Variants in LRRC7 observed in about 807,000 individuals in gnomAD.
LRRC7 encodes leucine-rich repeat-containing protein 7.
Under a neutral mutation model 175.7 loss-of-function variants are expected in LRRC7, and 23 were observed. The observed-to-expected ratio is 0.13, with a 90% confidence interval of 0.09 to 0.19. LRRC7 has a LOEUF of 0.19. Among genes scored for constraint, LRRC7 ranks in the 10% least tolerant of loss-of-function variants. The pLI is 1.00. For missense variants in LRRC7, 1,354 were observed against 1,904.7 expected, an observed-to-expected ratio of 0.71 and a Z score of 5.38; for synonymous variants, 685 against 680.9, an observed-to-expected ratio of 1.01 and a Z score of -0.09.
intron 9 of LRRC7, among the ~76,000 whole-genome samples, chr1:69,981,742 G>C (rs74881990): frequency 3.9e-5 from 6 of 152,268 alleles, no homozygotes; most frequent in African/African-American, 1.4e-4. Flanking sequence ...AAAGATTGAA[G>C]AATCAGAATA....
chr1:69,958,563 C>T (rs1025606397), intron 8 of LRRC7, among the ~76,000 whole-genome samples: 3 of 151,802 alleles, frequency 2.0e-5, no homozygotes, highest in African/African-American at 7.3e-5. Flanking sequence ...CTGAAGGTGA[C>T]CTAGTAGAGA....
At position 69,994,619 on chromosome 1, in the gene LRRC7, C is replaced by G. The variant is rs1265055320; in HGVS notation, c.990C>G (p.Pro330=). The change falls in exon 11 of 27, where the codon CCC becomes CCG. Residue 330 remains proline, a synonymous_variant. Transcript: ENST00000651989. ...ATGACAATCAACTTACAATGCTACCCAATACAATTGGAAAGTAAGTGCCAA... is the reference window on the plus strand; with the variant it reads ...ATGACAATCAACTTACAATGCTACCGAATACAATTGGAAAGTAAGTGCCAA... ...KVDDNQLTML[P]NTIGNLSLLE... 3.1e-6 allele frequency: 5 copies of G among 1,610,322 alleles called. No individual in the cohort carries two copies. The highest frequency in any genetic ancestry group is 4.2e-6 in the Non-Finnish European group (5 of 1,177,630).
chr1:69,961,353 AC>A (rs1421271217), intron 8 of LRRC7, among the ~76,000 whole-genome samples: 1 of 152,198 alleles, frequency 6.6e-6, no homozygotes, highest in Non-Finnish European at 1.5e-5. Context: ...AAATGGAAAA[AC>A]ATTCCATGCT....
At chr1:69,640,214 A>T (rs1653993935) in intron 1 of LRRC7, among the ~76,000 whole-genome samples, 1 of 151,430 alleles carries the variant, frequency 6.6e-6, no homozygotes, top group African/African-American at 2.4e-5. Flanking sequence ...CTTAAGGGAG[A>T]TTTTTTTTCT....
At chr1:69,841,789 C>T (rs953013929) in intron 7 of LRRC7, among the ~76,000 whole-genome samples, 2 of 146,492 alleles carry the variant, frequency 1.4e-5, no homozygotes, top group African/African-American at 2.8e-5. Context: ...GAATGCTGAG[C>T]TATGGATTCA....
At chr1:69,778,934 A>G (rs1673145875) in intron 3 of LRRC7, among the ~76,000 whole-genome samples, 1 of 144,294 alleles carries the variant, frequency 6.9e-6, no homozygotes, top group Non-Finnish European at 1.5e-5. Flanking sequence ...ACACTCATAT[A>G]TATACACATA....
intron 4 of LRRC7, among the ~76,000 whole-genome samples, chr1:69,811,339 A>C (rs1334630712): frequency 6.6e-5 from 10 of 152,170 alleles, no homozygotes; most frequent in Admixed American, 5.9e-4. Flanking sequence ...AAATTAGTTC[A>C]ACCATTGTAG....
intron 1 of LRRC7, among the ~76,000 whole-genome samples, chr1:69,633,560 G>T (rs1446763904): frequency 2.0e-5 from 3 of 151,746 alleles, no homozygotes. Flanking sequence ...TCCCAAGTAG[G>T]TGGTATAACA....
intron 7 of LRRC7, among the ~76,000 whole-genome samples, chr1:69,917,554 G>A (rs1646758337): frequency 6.6e-6 from 1 of 151,994 alleles, no homozygotes; most frequent in Non-Finnish European, 1.5e-5. Flanking sequence ...GACAATGTCT[G>A]GAGACATTGT....
At chr1:69,741,593 G>T (rs753025719) in intron 2 of LRRC7, among the ~76,000 whole-genome samples, 1 of 151,970 alleles carries the variant, frequency 6.6e-6, no homozygotes, top group South Asian at 2.1e-4. Context: ...TAGAAAGAGA[G>T]CACAGAGACA....
chr1:69,880,730 T>C (rs1410493717), intron 7 of LRRC7, among the ~76,000 whole-genome samples: 4 of 152,100 alleles, frequency 2.6e-5, no homozygotes, highest in Admixed American at 1.3e-4. Flanking sequence ...CAAAGGACTT[T>C]CATCAGAGTG....
At chr1:69,664,150 C>A (rs192280776) in intron 1 of LRRC7, among the ~76,000 whole-genome samples, 32 of 152,268 alleles carry the variant, frequency 2.1e-4, no homozygotes, top group African/African-American at 7.0e-4. Flanking sequence ...TTTTTCATGG[C>A]TGACTAGTAT....
intron 7 of LRRC7, among the ~76,000 whole-genome samples, chr1:69,914,610 G>A (rs984674234): frequency 5.9e-5 from 9 of 152,044 alleles, no homozygotes; most frequent in African/African-American, 1.9e-4. Context: ...GTTATCTAGT[G>A]ACAATTTTAT....
At chr1:69,603,301 C>T (rs1248975494) in intron 1 of LRRC7, among the ~76,000 whole-genome samples, 7 of 152,112 alleles carry the variant, frequency 4.6e-5, no homozygotes, top group Non-Finnish European at 8.8e-5. Context: ...CAATCCACTA[C>T]AGATATATAG....
intron 2 of LRRC7, among the ~76,000 whole-genome samples, chr1:69,730,116 G>C (rs1051095248): frequency 6.6e-6 from 1 of 152,198 alleles, no homozygotes; most frequent in African/African-American, 2.4e-5. Flanking sequence ...GCACACAGCA[G>C]GGGGCCCTTG....
intron 26 of LRRC7, among the ~76,000 whole-genome samples, chr1:70,111,309 G>C (rs1665511642): frequency 6.6e-6 from 1 of 152,118 alleles, no homozygotes; most frequent in African/African-American, 2.4e-5. Context: ...AATAAGGGAT[G>C]ATGTTAATTA....
At chr1:69,909,481 G>A (rs138493436) in intron 7 of LRRC7, among the ~76,000 whole-genome samples, 1 of 152,030 alleles carries the variant, frequency 6.6e-6, no homozygotes, top group East Asian at 1.9e-4. Flanking sequence ...GACAAAATCT[G>A]CCAGCATTTG....
chr1:69,606,351 C>T (rs750592687), intron 1 of LRRC7, among the ~76,000 whole-genome samples: 27 of 152,054 alleles, frequency 1.8e-4, no homozygotes, highest in Non-Finnish European at 3.7e-4. Flanking sequence ...AAGGGATTCA[C>T]AAGCAACTTA....
At chr1:70,096,722 G>T (rs959455122) in intron 25 of LRRC7, among the ~76,000 whole-genome samples, 1 of 151,938 alleles carries the variant, frequency 6.6e-6, no homozygotes, top group Non-Finnish European at 1.5e-5. Flanking sequence ...GAAAAAAAAA[G>T]ACCCATGATA....
Sources: gnomAD v4.1 joint callset for allele counts (sites outside exome capture counted in the v4.1 genomes callset) on GRCh38, gnomAD v4.1.1 for gene constraint, MANE v1.5 for transcripts, NCBI Gene and HGNC (gene_info 2026-07-23, HGNC 2026-07-21) for gene names.